Variants in DNMT3B observed in about 807,000 individuals in gnomAD.
DNMT3B encodes the protein DNA methyltransferase 3 beta.
DNMT3B carries 37 observed loss-of-function variants against 120.2 expected under a neutral mutation model. The observed-to-expected ratio is 0.31, with a 90% CI of 0.24 to 0.40. The LOEUF is 0.40. Among genes scored for constraint, DNMT3B ranks in the 10% least tolerant of loss-of-function variants. DNMT3B has a pLI of 1.00. For synonymous variants in DNMT3B, 412 were observed against 442.8 expected (o/e 0.93, Z 0.87); for missense variants, 878 against 1,137.3 (o/e 0.77, Z 3.28).
chr20:32,806,564 T>C (rs1260256197), intron 22 of DNMT3B, among the ~76,000 whole-genome samples: 3 of 152,252 alleles, frequency 2.0e-5, no homozygotes, highest in Non-Finnish European at 4.4e-5. Flanking sequence ...ATCTGTCTGT[T>C]GGCTGCACTG....
At chr20:32,779,940 C>A in intron 1 of DNMT3B, 1 of 778,542 alleles carries the variant, frequency 1.3e-6, no homozygotes. Flanking sequence ...GAGAGGGGGC[C>A]AGGGCCAGAG....
At chr20:32,789,132 T>C in intron 7 of DNMT3B, 120 bp downstream of exon 7, 3 of 1,428,514 alleles carry the variant, frequency 2.1e-6, no homozygotes, top group Admixed American at 2.2e-5. Flanking sequence ...CTTCACACTG[T>C]CTGGGAGGAA....
intron 20 of DNMT3B, among the ~76,000 whole-genome samples, chr20:32,804,327 TCTGGGCCCTCAGCTCCC>T (rs1228759014): frequency 6.6e-6 from 1 of 152,156 alleles, no homozygotes; most frequent in Admixed American, 6.5e-5. Flanking sequence ...GTCCTTTTCT[TCTGGGCCCTCAGCTCCC>T]CTGGGTCCAT....
Position 32,795,453 on chromosome 20 carries a change from G to T in DNMT3B, c.1171G>T (p.Asp391Tyr), listed in dbSNP as rs750243629. The change falls in exon 11 of 23, where the codon GAC becomes TAC. Residue 391 changes from aspartate to tyrosine, a missense_variant. Around this residue, in one of 4 missense-constraint regions of DNMT3B, gnomAD observed 207 missense variants for 222.6 expected, o/e 0.93. Coordinates refer to ENST00000328111, the MANE Select transcript of DNMT3B (RefSeq NM_006892.4). ...CACAGCTGACGACTCAGCCACCTCT[G>T]ACTACTGCCCCGCACCCAAGCGCCT... ...RRTADDSATS[D>Y]YCPAPKRLKT... 4.3e-6 allele frequency: 7 copies of T among 1,614,098 alleles called. No individual in the cohort carries two copies. Among genetic ancestry groups the T allele is most frequent in the Non-Finnish European group, 5.9e-6 (7 of 1,180,006 alleles).
intron 1 of DNMT3B, among the ~76,000 whole-genome samples, chr20:32,777,619 G>A (rs1307213391): frequency 6.6e-6 from 1 of 152,198 alleles, no homozygotes; most frequent in Non-Finnish European, 1.5e-5. Flanking sequence ...GGAGACACCA[G>A]GTACACCAGG....
chr20:32,788,581 C>T (rs774646068), intron 6 of DNMT3B, among the ~76,000 whole-genome samples: 1 of 151,844 alleles, frequency 6.6e-6, no homozygotes, highest in Admixed American at 6.6e-5. Context: ...GGACTACAGG[C>T]GTGCACCACC....
rs1251799838 is a variant in DNMT3B at position 32,762,691 on chromosome 20, C to G, written c.-15C>G. On this transcript the variant is annotated 5_prime_UTR_variant, in exon 1 of 23. Transcript: ENST00000328111. ...CCGCCCAGCCGCGCCCCAGCCAGCC[C>G]TGCGGCAGGTGAGCGCCCCGGGGCC... 1 of 181,460 alleles carries G rather than the reference C, an allele frequency of 5.5e-6. No homozygotes were observed. The highest frequency in any genetic ancestry group is 1.2e-4 in the South Asian group (1 of 8,446). 11.2% of individuals were successfully genotyped at this position (181,460 alleles called of 1,614,324 possible).
At position 32,787,210 on chromosome 20, in the gene DNMT3B, A is replaced by G. The variant is rs759742892; in HGVS notation, c.433-20A>G. On this transcript the variant is annotated intron_variant, in intron 5 of 22. Coordinates refer to ENST00000328111, the MANE Select transcript of DNMT3B (RefSeq NM_006892.4). Reference sequence around the variant, plus strand: ...GACATCCTTTGCTCTGGCCCAAACTATGTGTCCTTCTGTCCACAGTCCCTG... The same window carrying G: ...GACATCCTTTGCTCTGGCCCAAACTGTGTGTCCTTCTGTCCACAGTCCCTG... 9.3e-6 allele frequency: 15 copies of G among 1,613,988 alleles called. No homozygotes were observed. The East Asian group carries it at 1.1e-4, about 12-fold the overall frequency.
At chr20:32,776,100 AAG>A (rs1988056827) in intron 1 of DNMT3B, among the ~76,000 whole-genome samples, 2 of 152,126 alleles carry the variant, frequency 1.3e-5, no homozygotes, top group South Asian at 4.2e-4. Flanking sequence ...ATGGTGGTGC[AAG>A]TCTGTAATCC....
At position 32,801,241 on chromosome 20, in the gene DNMT3B, C is replaced by T. The variant is rs753880030; in HGVS notation, c.1997-37C>T. ...ATAAGGTGGGTTGGGCTGGAGGTTT[C>T]AAATGAACCCTGCGCTGTCATCTTT... On this transcript the variant is annotated intron_variant, in intron 18 of 22. Transcript: ENST00000328111. 4 of 1,614,020 alleles carry T rather than the reference C, an allele frequency of 2.5e-6. No individual in the cohort carries two copies. In the East Asian group the frequency reaches 8.9e-5, roughly 36 times the overall value.
chr20:32,777,423 G>T (rs1033221815), intron 1 of DNMT3B, among the ~76,000 whole-genome samples: 1 of 152,120 alleles, frequency 6.6e-6, no homozygotes, highest in African/African-American at 2.4e-5. Flanking sequence ...CCCAGTTAGG[G>T]CCTGTCTGAG....
At chr20:32,798,429 A>C (rs759503332) in intron 14 of DNMT3B, 31 bp from the exon 15 acceptor site, 1 of 1,613,732 alleles carries the variant, frequency 6.2e-7, no homozygotes, top group African/African-American at 1.3e-5. Context: ...GCTCTGACAA[A>C]GGCATCCCTT....
chr20:32,799,468 T>A, intron 16 of DNMT3B, 140 bp downstream of exon 16: 4 of 900,912 alleles, frequency 4.4e-6, no homozygotes, highest in Non-Finnish European at 7.0e-6. Flanking sequence ...AAACCCTGTC[T>A]CCTTGTTTCT....
chr20:32,780,037 CTG>C, intron 1 of DNMT3B: 1 of 1,569,242 alleles, frequency 6.4e-7, no homozygotes, highest in Non-Finnish European at 8.7e-7. Context: ...ACAGAGCAGT[CTG>C]AGCCTGAGAC....
rs762062085 is a variant in DNMT3B at position 32,797,045 on chromosome 20, T to C, written c.1378-142T>C. ...GTCACAGAGGCCAATGGCACGCAGG[T>C]CACAGCCAGTTGTCCTTTTAAAGGA... On this transcript the variant is annotated intron_variant, in intron 13 of 22. Coordinates refer to ENST00000328111, the MANE Select transcript of DNMT3B (RefSeq NM_006892.4). 12 of 1,606,664 alleles carry C rather than the reference T, an allele frequency of 7.5e-6. No individual in the cohort carries two copies. In the Admixed American group the frequency reaches 1.7e-4, roughly 22 times the overall value.
At chr20:32,789,151 C>A in intron 7 of DNMT3B, 139 bp downstream of exon 7, 1 of 1,320,612 alleles carries the variant, frequency 7.6e-7, no homozygotes, top group Non-Finnish European at 1.0e-6. Context: ...AAGGACAAAA[C>A]TTCCTGTGTT....
At chr20:32,794,179 A>C (rs749809340) in intron 10 of DNMT3B, among the ~76,000 whole-genome samples, 1 of 151,798 alleles carries the variant, frequency 6.6e-6, no homozygotes, top group Non-Finnish European at 1.5e-5. Flanking sequence ...GGGCAACAGG[A>C]TGTAACCCTG....
chr20:32,808,123 G>A lies in DNMT3B; in HGVS notation c.*220G>A. On this transcript the variant is annotated 3_prime_UTR_variant, in exon 23 of 23. Coordinates refer to ENST00000328111, the MANE Select transcript of DNMT3B (RefSeq NM_006892.4). Reference sequence around the variant, plus strand: ...CACAAATCAGACCTGGCTGCTTGGAGCAGCCTAACACGGTGCTCATTTTTT... The same window carrying A: ...CACAAATCAGACCTGGCTGCTTGGAACAGCCTAACACGGTGCTCATTTTTT... The A allele has an allele frequency of 1.4e-6, 1 of 690,974 alleles. No homozygotes were observed. Among genetic ancestry groups the A allele is most frequent in the South Asian group, 1.9e-5 (1 of 53,590 alleles). 42.8% of individuals were successfully genotyped at this position (690,974 alleles called of 1,614,324 possible).
At chr20:32,806,091 C>T in intron 21 of DNMT3B, 118 bp from the exon 22 acceptor site, 4 of 936,578 alleles carry the variant, frequency 4.3e-6, no homozygotes, top group Non-Finnish European at 7.1e-6. Flanking sequence ...TCTCCCAGCC[C>T]TGCCACTCTT....
Sources: gnomAD v4.1 joint callset for allele counts (sites outside exome capture counted in the v4.1 genomes callset) on GRCh38, gnomAD v4.1.1 for gene constraint, gnomAD v4.1.1 regional missense constraint, MANE v1.5 for transcripts, NCBI Gene and HGNC (gene_info 2026-07-23, HGNC 2026-07-21) for gene names.